The following SYT16 variants were observed in gnomAD, a reference collection of about 807,000 sequenced individuals.
The protein encoded by SYT16 is synaptotagmin 16.
In SYT16, 42 loss-of-function variants were observed where a neutral mutation model predicts 61.4. The ratio of observed to expected loss-of-function variants is 0.68; its 90% CI spans 0.53 to 0.89. SYT16 has a LOEUF of 0.89. SYT16 is among the 40% of genes least tolerant of loss of function. The probability of loss-of-function intolerance (pLI) is 0.00; values close to 1 mark genes in which losing one functional copy is unlikely to be tolerated. For missense variants in SYT16, 804 were observed against 807.3 expected (o/e 1.00, Z 0.05); for synonymous variants, 314 against 302.3 (o/e 1.04, Z -0.40).
chr14:62,048,442 G>A (rs1456141003), intron 3 of SYT16, among the ~76,000 whole-genome samples: 1 of 152,086 alleles, frequency 6.6e-6, no homozygotes, highest in Admixed American at 6.6e-5. Flanking sequence ...TGGATTCATT[G>A]ATTTTTTGAA....
intron 1 of SYT16, among the ~76,000 whole-genome samples, chr14:61,940,999 G>C (rs552024079): frequency 2.0e-5 from 3 of 152,212 alleles, no homozygotes; most frequent in African/African-American, 7.2e-5. Flanking sequence ...CCCCTTTCCC[G>C]TGCAGAAGGA....
chr14:62,030,274 G>T lies in SYT16; in HGVS notation c.523+33732G>T, dbSNP rs571156200. Among the ~76,000 whole-genome samples, 12 of 152,196 alleles carry T rather than the reference G, an allele frequency of 7.9e-5. No individual in the cohort carries two copies. In the East Asian group the frequency reaches 1.7e-3, roughly 22 times the overall value. ...TATTTTGATCAATTCCTTTTCAGTCGCATGGTAGTTTTGTCCGCTTATATC... is the reference window on the plus strand; with the variant it reads ...TATTTTGATCAATTCCTTTTCAGTCTCATGGTAGTTTTGTCCGCTTATATC... On this transcript the variant is annotated intron_variant, in intron 3 of 7. Transcript: ENST00000683842.
rs753334424 is a variant in SYT16 at position 62,103,735 on chromosome 14, C to A, written c.*3028C>A. 3.3e-5 allele frequency: 5 copies of A among 152,108 alleles called. No homozygotes were observed. The highest frequency in any genetic ancestry group is 5.9e-5 in the Non-Finnish European group (4 of 68,022). 9.4% of individuals were successfully genotyped at this position (152,108 alleles called of 1,614,324 possible). A position where few individuals can be genotyped will look rare whatever the true frequency, so the allele number is the denominator to read the frequency against. On this transcript the variant is annotated 3_prime_UTR_variant, in exon 8 of 8. Coordinates refer to ENST00000683842, the MANE Select transcript of SYT16 (RefSeq NM_001367656.1). ...GTTGGAGGTGGGGGTGTCTTGCCTT[C>A]CCTAACATAAGAAGAATTTGTAATG...
chr14:62,023,464 A>AT (rs989611959), intron 3 of SYT16, among the ~76,000 whole-genome samples: 2 of 151,970 alleles, frequency 1.3e-5, no homozygotes, highest in Non-Finnish European at 2.9e-5. Context: ...CTTGGGGGAA[A>AT]TTTTTACTCA....
At position 62,102,333 on chromosome 14, in the gene SYT16, T is replaced by G. The variant is rs1249522697; in HGVS notation, c.*1626T>G. The G allele has an allele frequency of 6.6e-6, 1 of 152,242 alleles. No individual in the cohort carries two copies. The highest frequency in any genetic ancestry group is 1.5e-5 in the Non-Finnish European group (1 of 68,046). The allele number at this position is 152,242 out of a possible 1,614,324, so 9.4% of individuals were successfully genotyped here. On this transcript the variant is annotated 3_prime_UTR_variant, in exon 8 of 8. Transcript: ENST00000683842. ...TACTATGCTTTCAGGGTTCAGTCTT[T>G]GAATGAAATGATTTCATATGGAAGA...
chr14:62,004,856 G>A (rs964459071), intron 3 of SYT16, among the ~76,000 whole-genome samples: 2 of 152,144 alleles, frequency 1.3e-5, no homozygotes, highest in South Asian at 2.1e-4. Context: ...CTGACCCTGC[G>A]GTGTGGGTGG....
At chr14:61,959,983 A>G (rs1398390830) in intron 1 of SYT16, among the ~76,000 whole-genome samples, 1 of 152,056 alleles carries the variant, frequency 6.6e-6, no homozygotes, top group African/African-American at 2.4e-5. Context: ...CTACATGTCT[A>G]TGCCACCATG....
At chr14:62,061,681 A>G (rs11848036) in intron 3 of SYT16, among the ~76,000 whole-genome samples, 33,129 of 152,126 alleles carry the variant, frequency 0.22, 7,738 homozygotes, top group African/African-American at 0.59. Flanking sequence ...AAAGTGGTCA[A>G]TTCATCAAGA....
At chr14:61,889,875 T>G (rs2048057981) in intron 1 of SYT16, among the ~76,000 whole-genome samples, 1 of 151,874 alleles carries the variant, frequency 6.6e-6, no homozygotes, top group Non-Finnish European at 1.5e-5. Flanking sequence ...CATTTAGCAG[T>G]ATTTTTTCTC....
chr14:61,968,534 A>G (rs2051412437), intron 1 of SYT16, among the ~76,000 whole-genome samples: 1 of 152,150 alleles, frequency 6.6e-6, no homozygotes. Context: ...GGTCCATCCC[A>G]TATTTGACTG....
At chr14:61,871,615 T>A (rs2140304635) in intron 1 of SYT16, among the ~76,000 whole-genome samples, 1 of 152,352 alleles carries the variant, frequency 6.6e-6, no homozygotes, top group South Asian at 2.1e-4. Context: ...TTCCTGCATC[T>A]TTAAAAACCA....
chr14:61,995,040 A>G (rs1484905172), intron 2 of SYT16, among the ~76,000 whole-genome samples: 2 of 152,186 alleles, frequency 1.3e-5, no homozygotes. Flanking sequence ...CTGTAATAGC[A>G]ATAAGATATA....
chr14:61,902,906 A>G (rs904740481), intron 1 of SYT16, among the ~76,000 whole-genome samples: 2 of 152,198 alleles, frequency 1.3e-5, no homozygotes, highest in African/African-American at 4.8e-5. Flanking sequence ...AACTGCTCCC[A>G]TGATTCAATT....
chr14:61,918,726 G>T (rs906777363), intron 1 of SYT16, among the ~76,000 whole-genome samples: 4 of 151,950 alleles, frequency 2.6e-5, no homozygotes, highest in African/African-American at 9.7e-5. Context: ...GTTATCTCTG[G>T]GGGGTGGGGT....
chr14:61,935,119 C>A (rs2049925942), intron 1 of SYT16, among the ~76,000 whole-genome samples: 1 of 151,980 alleles, frequency 6.6e-6, no homozygotes, highest in African/African-American at 2.4e-5. Flanking sequence ...TCCTTTTTCC[C>A]CTCTAATTTT....
At chr14:61,914,266 G>C (rs976655045) in intron 1 of SYT16, among the ~76,000 whole-genome samples, 1 of 152,134 alleles carries the variant, frequency 6.6e-6, no homozygotes, top group Admixed American at 6.6e-5. Context: ...GAAAAGCTTG[G>C]TCTCTGAAGT....
intron 3 of SYT16, among the ~76,000 whole-genome samples, chr14:62,010,800 A>C (rs529501708): frequency 6.6e-6 from 1 of 152,260 alleles, no homozygotes; most frequent in Non-Finnish European, 1.5e-5. Context: ...CTGTAATATC[A>C]GAGCCTATTT....
intron 3 of SYT16, among the ~76,000 whole-genome samples, chr14:62,000,777 G>A (rs1442944757): frequency 6.6e-6 from 1 of 151,936 alleles, no homozygotes; most frequent in Non-Finnish European, 1.5e-5. Context: ...AAATAATACT[G>A]TACTATTTCA....
At chr14:62,083,520 T>C (rs2056781682) in intron 6 of SYT16, among the ~76,000 whole-genome samples, 2 of 152,162 alleles carry the variant, frequency 1.3e-5, no homozygotes, top group Non-Finnish European at 2.9e-5. Flanking sequence ...GACAGAAAGC[T>C]CAGGTTCTCC....
Sources: gnomAD v4.1 joint callset for allele counts (sites outside exome capture counted in the v4.1 genomes callset) on GRCh38, gnomAD v4.1.1 for gene constraint, MANE v1.5 for transcripts, NCBI Gene and HGNC (gene_info 2026-07-23, HGNC 2026-07-21) for gene names.